ATRNL1: variants seen among roughly 807,000 people sequenced by gnomAD.
The protein encoded by ATRNL1 is attractin-like protein 1.
In ATRNL1, 95 loss-of-function variants were observed where a neutral mutation model predicts 182.7. That is an observed-to-expected ratio of 0.52 (90% CI 0.44 to 0.62). ATRNL1 has a LOEUF of 0.62. Among genes scored for constraint, ATRNL1 ranks in the 20% least tolerant of loss-of-function variants. The pLI is 0.00. For missense variants in ATRNL1, 1,471 were observed against 1,679.5 expected, an observed-to-expected ratio of 0.88 and a Z score of 2.17; for synonymous variants, 576 against 568.3, an observed-to-expected ratio of 1.01 and a Z score of -0.19.
chr10:115,417,901 G>A (rs1346112379), intron 20 of ATRNL1, among the ~76,000 whole-genome samples: 1 of 152,164 alleles, frequency 6.6e-6, no homozygotes, highest in African/African-American at 2.4e-5. Context: ...GAACACAACA[G>A]TCAGTCCCCT....
intron 26 of ATRNL1, among the ~76,000 whole-genome samples, chr10:115,570,704 G>A (rs1310241121): frequency 6.6e-6 from 1 of 152,162 alleles, no homozygotes; most frequent in Non-Finnish European, 1.5e-5. Flanking sequence ...TGTGTTGGTA[G>A]TTTTATGTTT....
At chr10:115,159,463 A>AT (rs1167394408) in intron 5 of ATRNL1, among the ~76,000 whole-genome samples, 12 of 150,834 alleles carry the variant, frequency 8.0e-5, no homozygotes, top group Admixed American at 4.6e-4. Context: ...ATGATGCATA[A>AT]TTTTTTTTTC....
chr10:115,928,153 A>G (rs929776012), intron 28 of ATRNL1, among the ~76,000 whole-genome samples: 1 of 152,092 alleles, frequency 6.6e-6, no homozygotes, highest in Non-Finnish European at 1.5e-5. Flanking sequence ...AAAGAATGCT[A>G]AATCAGTAGT....
intron 20 of ATRNL1, among the ~76,000 whole-genome samples, chr10:115,418,317 T>C (rs879964935): frequency 2.6e-5 from 4 of 151,740 alleles, no homozygotes; most frequent in African/African-American, 9.7e-5. Context: ...GAAATAAAAA[T>C]GGAATAGAGA....
rs58479431 is a variant in ATRNL1 at position 115,530,418 on chromosome 10, G to T, written c.3716+11094G>T. Among the ~76,000 whole-genome samples, 1,493 of 151,848 alleles carry T rather than the reference G, an allele frequency of 9.8e-3. 17 individuals are homozygous for T. Among genetic ancestry groups the T allele is most frequent in the African/African-American group, 0.034 (1,414 of 41,380 alleles). ...TGCCTTTCTTATAGCCATCTTAGTG[G>T]GCATAAAGTGGTAAGAGATGATGCA... On this transcript the variant is annotated intron_variant, in intron 25 of 28. Transcript: ENST00000355044.
chr10:115,726,476 A>G (rs2134058008), intron 26 of ATRNL1, among the ~76,000 whole-genome samples: 1 of 152,368 alleles, frequency 6.6e-6, no homozygotes, highest in Non-Finnish European at 1.5e-5. Context: ...TTTTATCATG[A>G]CTTAATGAAT....
chr10:115,199,644 T>C (rs1317622975), intron 8 of ATRNL1, among the ~76,000 whole-genome samples: 2 of 152,120 alleles, frequency 1.3e-5, no homozygotes, highest in African/African-American at 4.8e-5. Context: ...TCTGTGTAGA[T>C]AATGTAGGGT....
At chr10:115,512,034 C>CTTAAGA (rs1433688962) in intron 24 of ATRNL1, among the ~76,000 whole-genome samples, 1 of 151,762 alleles carries the variant, frequency 6.6e-6, no homozygotes, top group Non-Finnish European at 1.5e-5. Flanking sequence ...TGCATTTATA[C>CTTAAGA]TGGCTTAAGT....
rs569620514 is a variant in ATRNL1 at position 115,889,985 on chromosome 10, G to A, written c.4018+41994G>A. Among the ~76,000 whole-genome samples the A allele has an allele frequency of 4.6e-5, 7 of 152,290 alleles. No individual in the cohort carries two copies. The South Asian group carries it at 6.2e-4, about 14-fold the overall frequency. On this transcript the variant is annotated intron_variant, in intron 28 of 28. Transcript: ENST00000355044. ...TTTCTGGTGTGTGTGCATTGGGGGA[G>A]TGGTGGTTTCCAGATGAGACAACAG...
At chr10:115,477,994 C>T (rs941548894) in intron 24 of ATRNL1, among the ~76,000 whole-genome samples, 3 of 151,590 alleles carry the variant, frequency 2.0e-5, no homozygotes, top group South Asian at 2.1e-4. Context: ...ATTAAGAACA[C>T]GGGTTCTAAG....
At chr10:115,201,791 G>A (rs1486121252) in intron 8 of ATRNL1, among the ~76,000 whole-genome samples, 5 of 152,094 alleles carry the variant, frequency 3.3e-5, no homozygotes, top group Admixed American at 6.5e-5. Flanking sequence ...GCTTGATGGG[G>A]ATGGCATTGA....
At chr10:115,386,581 T>C (rs1239908356) in intron 19 of ATRNL1, among the ~76,000 whole-genome samples, 1 of 152,168 alleles carries the variant, frequency 6.6e-6, no homozygotes, top group African/African-American at 2.4e-5. Flanking sequence ...CAGTAGAAGG[T>C]AACTGACATT....
chr10:115,820,688 CTG>C (rs1254905478), intron 27 of ATRNL1, among the ~76,000 whole-genome samples: 3 of 152,202 alleles, frequency 2.0e-5, no homozygotes, highest in African/African-American at 7.2e-5. Context: ...AGATCCTCAT[CTG>C]AGAGGCGGTA....
chr10:115,590,551 T>C (rs1370706455), intron 26 of ATRNL1, among the ~76,000 whole-genome samples: 2 of 152,160 alleles, frequency 1.3e-5, no homozygotes, highest in Non-Finnish European at 2.9e-5. Flanking sequence ...TGAATATTAA[T>C]GAATATTAAT....
At chr10:115,715,058 A>G (rs1004480647) in intron 26 of ATRNL1, among the ~76,000 whole-genome samples, 1 of 152,208 alleles carries the variant, frequency 6.6e-6, no homozygotes, top group African/African-American at 2.4e-5. Flanking sequence ...AGGTTGAATG[A>G]GCCAAGAAAT....
chr10:115,937,759 T>A (rs1409576260), intron 28 of ATRNL1, among the ~76,000 whole-genome samples: 1 of 152,192 alleles, frequency 6.6e-6, no homozygotes, highest in Non-Finnish European at 1.5e-5. Context: ...TAAATCTGAT[T>A]ACAGTGAAAT....
At chr10:115,659,157 A>G (rs554573494) in intron 26 of ATRNL1, among the ~76,000 whole-genome samples, 2 of 152,048 alleles carry the variant, frequency 1.3e-5, no homozygotes, top group African/African-American at 2.4e-5. Context: ...TCTCTACACA[A>G]CATTCTCCTC....
intron 9 of ATRNL1, among the ~76,000 whole-genome samples, chr10:115,234,832 G>A (rs532923169): frequency 5.3e-5 from 8 of 152,050 alleles, no homozygotes; most frequent in South Asian, 4.2e-4. Flanking sequence ...CAAGCCATCC[G>A]CCCGCCTTGG....
At chr10:115,166,522 C>T (rs1266259068) in intron 7 of ATRNL1, among the ~76,000 whole-genome samples, 26 of 151,984 alleles carry the variant, frequency 1.7e-4, no homozygotes, top group African/African-American at 5.5e-4. Context: ...TACATTTCCA[C>T]CAGCAGTGCA....
Sources: allele counts gnomAD v4.1 joint callset (sites outside exome capture counted in the v4.1 genomes callset), GRCh38; gene constraint gnomAD v4.1.1; transcripts MANE v1.5; gene names NCBI Gene and HGNC (gene_info 2026-07-23, HGNC 2026-07-21).